The following GPR39 variants were observed in gnomAD, a reference collection of about 807,000 sequenced individuals.
GPR39 encodes the protein zinc sensing receptor.
Under a neutral mutation model 18.4 loss-of-function variants are expected in GPR39, and 23 were observed. The observed-to-expected ratio is 1.25, with a 90% CI of 0.90 to 1.77. GPR39 has a LOEUF of 1.77. GPR39 is among the 40% of genes most tolerant of loss of function. GPR39 has a pLI of 0.00. For synonymous variants in GPR39, 280 were observed against 257.9 expected (o/e 1.09, Z -0.82); for missense variants, 647 against 602.4 (o/e 1.07, Z -0.78).
chr2:132,509,182 C>T (rs1429300213), intron 1 of GPR39, among the ~76,000 whole-genome samples: 1 of 152,192 alleles, frequency 6.6e-6, no homozygotes, highest in Non-Finnish European at 1.5e-5. Context: ...GATCAGTATG[C>T]AATCAGTCTC....
chr2:132,620,328 T>C (rs748374939), intron 1 of GPR39, among the ~76,000 whole-genome samples: 4 of 152,090 alleles, frequency 2.6e-5, no homozygotes, highest in Non-Finnish European at 5.9e-5. Flanking sequence ...GCCCAGAGGG[T>C]TCCTCATGCT....
At chr2:132,543,389 A>C (rs1217447474) in intron 1 of GPR39, among the ~76,000 whole-genome samples, 1 of 152,186 alleles carries the variant, frequency 6.6e-6, no homozygotes, top group Non-Finnish European at 1.5e-5. Context: ...CAAGTCCCCT[A>C]TGCAAGTTCC....
At chr2:132,615,491 C>A (rs1681318012) in intron 1 of GPR39, among the ~76,000 whole-genome samples, 1 of 152,174 alleles carries the variant, frequency 6.6e-6, no homozygotes, top group African/African-American at 2.4e-5. Flanking sequence ...CCAACAGAGA[C>A]TGTGCTTTAT....
intron 1 of GPR39, among the ~76,000 whole-genome samples, chr2:132,554,906 C>T (rs1035896308): frequency 1.8e-4 from 27 of 152,008 alleles, no homozygotes; most frequent in Admixed American, 2.6e-4. Flanking sequence ...GTGTTTGTAC[C>T]GTTCAAACCC....
At chr2:132,455,581 A>C (rs568323533) in intron 1 of GPR39, among the ~76,000 whole-genome samples, 1 of 152,050 alleles carries the variant, frequency 6.6e-6, no homozygotes, top group Non-Finnish European at 1.5e-5. Context: ...TTAGGGTGTC[A>C]ATTTTCGATC....
chr2:132,475,946 C>T (rs1398276770), intron 1 of GPR39, among the ~76,000 whole-genome samples: 2 of 152,204 alleles, frequency 1.3e-5, no homozygotes, highest in Non-Finnish European at 2.9e-5. Flanking sequence ...GTGTCTTGCA[C>T]TTTACCTGCA....
chr2:132,509,545 T>C (rs563055751), intron 1 of GPR39, among the ~76,000 whole-genome samples: 4 of 152,358 alleles, frequency 2.6e-5, no homozygotes, highest in African/African-American at 9.6e-5. Flanking sequence ...TACTTATAAG[T>C]AGTATTTGAA....
At chr2:132,440,411 C>A (rs910095912) in intron 1 of GPR39, among the ~76,000 whole-genome samples, 6 of 152,126 alleles carry the variant, frequency 3.9e-5, no homozygotes, top group African/African-American at 1.4e-4. Flanking sequence ...GGTTCCAATC[C>A]CAGTTCCCTT....
intron 1 of GPR39, among the ~76,000 whole-genome samples, chr2:132,501,374 A>G (rs1306345833): frequency 6.6e-6 from 1 of 151,964 alleles, no homozygotes; most frequent in East Asian, 1.9e-4. Context: ...ATTTCCATGT[A>G]TTTGCATGCT....
At chr2:132,580,357 C>T (rs917885881) in intron 1 of GPR39, among the ~76,000 whole-genome samples, 5 of 152,114 alleles carry the variant, frequency 3.3e-5, no homozygotes, top group African/African-American at 1.2e-4. Context: ...GTTTTCCTTT[C>T]GTTTGACAAA....
At chr2:132,598,554 A>G (rs1358465602) in intron 1 of GPR39, among the ~76,000 whole-genome samples, 1 of 151,526 alleles carries the variant, frequency 6.6e-6, no homozygotes, top group Non-Finnish European at 1.5e-5. Flanking sequence ...TGGAGAGGCC[A>G]GGACAACTGA....
intron 1 of GPR39, among the ~76,000 whole-genome samples, chr2:132,601,511 T>A (rs60583538): frequency 6.6e-6 from 1 of 152,028 alleles, no homozygotes; most frequent in South Asian, 2.1e-4. Flanking sequence ...TATATCATAC[T>A]GAACTGGAAC....
At chr2:132,601,761 TA>T (rs1261780653) in intron 1 of GPR39, among the ~76,000 whole-genome samples, 3 of 152,158 alleles carry the variant, frequency 2.0e-5, no homozygotes, top group Non-Finnish European at 2.9e-5. Context: ...GTAGTGTCTT[TA>T]TACACCAATA....
chr2:132,455,402 A>T (rs981971398), intron 1 of GPR39, among the ~76,000 whole-genome samples: 1 of 152,100 alleles, frequency 6.6e-6, no homozygotes, highest in Admixed American at 6.5e-5. Flanking sequence ...CTAGTGGTCT[A>T]TCAATTTTGT....
rs117618109 is a variant in GPR39 at position 132,514,501 on chromosome 2, G to A, written c.856+96603G>A. On this transcript the variant is annotated intron_variant, in intron 1 of 1. Coordinates refer to ENST00000329321, the MANE Select transcript of GPR39 (RefSeq NM_001508.3). Reference sequence around the variant, plus strand: ...TTCCCACCTCACCCCTCCTTGAGGTGTGGCTCCCAGATCATTGGTACCTGC... The same window carrying A: ...TTCCCACCTCACCCCTCCTTGAGGTATGGCTCCCAGATCATTGGTACCTGC... 4.3e-4 allele frequency among the ~76,000 whole-genome samples: 66 copies of A among 152,260 alleles called. No individual in the cohort carries two copies. In the East Asian group the frequency reaches 0.013, roughly 29 times the overall value.
chr2:132,544,561 C>T (rs1573657807), intron 1 of GPR39, among the ~76,000 whole-genome samples: 2 of 152,344 alleles, frequency 1.3e-5, no homozygotes, highest in East Asian at 3.9e-4. Context: ...CCCAGGCTTG[C>T]TGCAGGAGGT....
intron 1 of GPR39, among the ~76,000 whole-genome samples, chr2:132,503,051 T>G (rs2104751951): frequency 6.6e-6 from 1 of 152,370 alleles, no homozygotes; most frequent in Middle Eastern, 3.4e-3. Flanking sequence ...TACTTGACTT[T>G]CTGAATTATT....
chr2:132,530,879 G>C (rs927677553), intron 1 of GPR39, among the ~76,000 whole-genome samples: 1 of 152,180 alleles, frequency 6.6e-6, no homozygotes, highest in African/African-American at 2.4e-5. Context: ...GGAACAACTT[G>C]TACCAGCCAC....
chr2:132,535,398 C>T (rs1679735065), intron 1 of GPR39, among the ~76,000 whole-genome samples: 1 of 152,168 alleles, frequency 6.6e-6, no homozygotes, highest in Non-Finnish European at 1.5e-5. Context: ...ACCAGCCTTG[C>T]ATCTCAGGGA....
Sources: gnomAD v4.1 joint callset for allele counts (sites outside exome capture counted in the v4.1 genomes callset) on GRCh38, gnomAD v4.1.1 for gene constraint, MANE v1.5 for transcripts, NCBI Gene and HGNC (gene_info 2026-07-23, HGNC 2026-07-21) for gene names.